The following DTD1 variants were observed in gnomAD, a reference collection of about 807,000 sequenced individuals.
The protein encoded by DTD1 is D-aminoacyl-tRNA deacylase 1.
Under a neutral mutation model 25.6 loss-of-function variants are expected in DTD1, and 13 were observed. That is an observed-to-expected ratio of 0.51 (90% CI 0.33 to 0.81). DTD1 has a LOEUF of 0.81. Ranked by LOEUF, DTD1 falls within the 30% of genes least tolerant of loss-of-function variation. The pLI, the probability that DTD1 is intolerant of heterozygous loss-of-function variation, is 0.02. For synonymous variants in DTD1, 110 were observed against 103.6 expected, an observed-to-expected ratio of 1.06 and a Z score of -0.37; for missense variants, 193 against 266.4, an observed-to-expected ratio of 0.72 and a Z score of 1.92.
At chr20:18,729,287 T>C (rs2122502973) in intron 4 of DTD1, among the ~76,000 whole-genome samples, 1 of 152,388 alleles carries the variant, frequency 6.6e-6, no homozygotes, top group East Asian at 1.9e-4. Context: ...CATTTTCTTC[T>C]ACAGAAATAG....
At chr20:18,656,390 A>G (rs1234623400) in intron 4 of DTD1, among the ~76,000 whole-genome samples, 1 of 152,202 alleles carries the variant, frequency 6.6e-6, no homozygotes, top group East Asian at 1.9e-4. Context: ...TAATTTTGCT[A>G]AAGTACTACA....
intron 4 of DTD1, among the ~76,000 whole-genome samples, chr20:18,645,555 T>A (rs1363527138): frequency 2.0e-5 from 3 of 152,228 alleles, no homozygotes; most frequent in African/African-American, 7.2e-5. Flanking sequence ...TAATGCTTAA[T>A]TGCATTCCTA....
intron 4 of DTD1, among the ~76,000 whole-genome samples, chr20:18,708,252 T>A (rs1334960999): frequency 6.3e-5 from 2 of 31,780 alleles, no homozygotes; most frequent in Non-Finnish European, 9.7e-5. Context: ...ATAATATATA[T>A]TATATATATA....
chr20:18,686,351 C>A (rs532163005), intron 4 of DTD1, among the ~76,000 whole-genome samples: 36 of 152,332 alleles, frequency 2.4e-4, no homozygotes, highest in African/African-American at 8.4e-4. Context: ...TGTGCCCTTG[C>A]ACATCTATTT....
rs76763832 is a variant in DTD1 at position 18,728,908 on chromosome 20, C to T, written c.478-15192C>T. Among the ~76,000 whole-genome samples the T allele has an allele frequency of 6.4e-4, 98 of 152,342 alleles. 1 individual carries two copies. The highest frequency in any genetic ancestry group is 2.3e-3 in the African/African-American group (96 of 41,574). ...ACACTTCCTCCCAGGAGTGACAATTCCTGACAGCATCCTGAAACTGAATTG... is the reference window on the plus strand; with the variant it reads ...ACACTTCCTCCCAGGAGTGACAATTTCTGACAGCATCCTGAAACTGAATTG... On this transcript the variant is annotated intron_variant, in intron 4 of 5. Transcript: ENST00000377452.
At chr20:18,738,645 C>G (rs559034021) in intron 4 of DTD1, among the ~76,000 whole-genome samples, 1 of 152,216 alleles carries the variant, frequency 6.6e-6, no homozygotes, top group Non-Finnish European at 1.5e-5. Flanking sequence ...TCCAAAGACC[C>G]TCTGCAGTCC....
chr20:18,639,977 C>G (rs975887067), intron 4 of DTD1, among the ~76,000 whole-genome samples: 8 of 151,922 alleles, frequency 5.3e-5, no homozygotes, highest in African/African-American at 1.9e-4. Flanking sequence ...GTCATGAAAC[C>G]TTCAGGGGAT....
intron 1 of DTD1, 24 bp downstream of exon 1, chr20:18,588,139 G>A (rs2060573363): frequency 9.5e-6 from 12 of 1,259,356 alleles, no homozygotes; most frequent in Middle Eastern, 3.1e-4. Flanking sequence ...GGCCGGGCCC[G>A]GGAGGAGCCG....
At chr20:18,668,490 C>T (rs986512600) in intron 4 of DTD1, among the ~76,000 whole-genome samples, 1 of 152,056 alleles carries the variant, frequency 6.6e-6, no homozygotes, top group Non-Finnish European at 1.5e-5. Context: ...GGTGAGAGAG[C>T]CAGGAGCCAA....
At chr20:18,755,216 A>T (rs1388506193) in intron 5 of DTD1, among the ~76,000 whole-genome samples, 1 of 152,254 alleles carries the variant, frequency 6.6e-6, no homozygotes, top group Non-Finnish European at 1.5e-5. Context: ...CAAAAATGCC[A>T]AAATACCCGA....
intron 4 of DTD1, among the ~76,000 whole-genome samples, chr20:18,688,099 G>A (rs748801631): frequency 1.3e-5 from 2 of 152,144 alleles, no homozygotes; most frequent in Non-Finnish European, 2.9e-5. Context: ...TAAAACCCAT[G>A]CATGGTCCAT....
chr20:18,590,578 C>T (rs527414092), intron 1 of DTD1, among the ~76,000 whole-genome samples: 1 of 152,272 alleles, frequency 6.6e-6, no homozygotes, highest in South Asian at 2.1e-4. Context: ...TCAAGCGATT[C>T]TCATGCCTCT....
intron 3 of DTD1, among the ~76,000 whole-genome samples, chr20:18,610,718 T>C (rs2060683243): frequency 6.6e-6 from 1 of 152,166 alleles, no homozygotes; most frequent in Non-Finnish European, 1.5e-5. Context: ...AAGACCAGCC[T>C]GGGCAATATG....
intron 4 of DTD1, among the ~76,000 whole-genome samples, chr20:18,656,440 T>A (rs1372789910): frequency 3.3e-5 from 5 of 152,194 alleles, no homozygotes; most frequent in African/African-American, 2.4e-5. Flanking sequence ...GACTCAGGAA[T>A]CCAGTCTCCA....
intron 4 of DTD1, among the ~76,000 whole-genome samples, chr20:18,731,741 C>G (rs772128493): frequency 6.6e-6 from 1 of 152,146 alleles, no homozygotes; most frequent in Non-Finnish European, 1.5e-5. Flanking sequence ...TTAATTGATT[C>G]AATAAGCAAT....
chr20:18,673,343 C>CTA (rs1319378808), intron 4 of DTD1, among the ~76,000 whole-genome samples: 2 of 152,282 alleles, frequency 1.3e-5, no homozygotes, highest in East Asian at 3.9e-4. Context: ...TAGAATATAT[C>CTA]TATGAATCAT....
At chr20:18,646,148 G>T (rs1488856665) in intron 4 of DTD1, among the ~76,000 whole-genome samples, 1 of 152,230 alleles carries the variant, frequency 6.6e-6, no homozygotes, top group Non-Finnish European at 1.5e-5. Context: ...TGGCAGGCAT[G>T]GCACACCTTC....
At chr20:18,705,535 A>G (rs577417553) in intron 4 of DTD1, among the ~76,000 whole-genome samples, 5 of 152,314 alleles carry the variant, frequency 3.3e-5, no homozygotes, top group African/African-American at 1.2e-4. Flanking sequence ...TTCAGGTACC[A>G]TGGTAGCTGG....
chr20:18,692,591 G>A (rs1005710806), intron 4 of DTD1, among the ~76,000 whole-genome samples: 5 of 152,212 alleles, frequency 3.3e-5, no homozygotes, highest in Non-Finnish European at 5.9e-5. Context: ...TTGTTGCTGA[G>A]GTCAGTAGCT....
Sources: allele counts gnomAD v4.1 joint callset (sites outside exome capture counted in the v4.1 genomes callset), GRCh38; gene constraint gnomAD v4.1.1; transcripts MANE v1.5; gene names NCBI Gene and HGNC (gene_info 2026-07-23, HGNC 2026-07-21).